The following TBC1D22A variants were observed in gnomAD, a reference collection of about 807,000 sequenced individuals.
TBC1D22A encodes putative GTPase activator.
Under a neutral mutation model 60.2 loss-of-function variants are expected in TBC1D22A, and 38 were observed. The observed-to-expected ratio is 0.63, with a 90% CI of 0.49 to 0.83. The LOEUF (loss-of-function observed/expected upper bound fraction) is 0.83. Ranked by LOEUF, TBC1D22A falls within the 40% of genes least tolerant of loss-of-function variation. The pLI is 0.00. For synonymous variants in TBC1D22A, 302 were observed against 281.7 expected (o/e 1.07, Z -0.72); for missense variants, 628 against 701.0 (o/e 0.90, Z 1.18).
chr22:46,917,195 G>A (rs1320382852), intron 8 of TBC1D22A, among the ~76,000 whole-genome samples: 1 of 152,150 alleles, frequency 6.6e-6, no homozygotes, highest in African/African-American at 2.4e-5. Context: ...AGCAAGGCAC[G>A]TGCTACTTTG....
chr22:47,173,355 T>A, intron 12 of TBC1D22A, 143 bp from the exon 13 acceptor site: 1 of 1,140,188 alleles, frequency 8.8e-7, no homozygotes, highest in Non-Finnish European at 1.2e-6. Context: ...TGTCTTTCTC[T>A]CCAGTTTTCC....
intron 12 of TBC1D22A, among the ~76,000 whole-genome samples, chr22:47,149,396 A>C (rs1301706514): frequency 5.3e-5 from 8 of 152,270 alleles, no homozygotes; most frequent in Non-Finnish European, 1.2e-4. Context: ...AATGCCACAC[A>C]GTATTTATCC....
At chr22:47,132,388 G>T (rs1445835045) in intron 12 of TBC1D22A, among the ~76,000 whole-genome samples, 7 of 152,200 alleles carry the variant, frequency 4.6e-5, no homozygotes, top group African/African-American at 7.2e-5. Context: ...GAGCTTTCTA[G>T]AATGTGCGCT....
At chr22:46,836,479 G>A (rs539638767) in intron 4 of TBC1D22A, among the ~76,000 whole-genome samples, 2 of 151,024 alleles carry the variant, frequency 1.3e-5, no homozygotes, top group Admixed American at 6.6e-5. Flanking sequence ...ACATACAGTT[G>A]ATATGGAAAA....
chr22:46,766,098 C>T lies in TBC1D22A; in HGVS notation c.62+3250C>T, dbSNP rs570329459. Among the ~76,000 whole-genome samples, 5 of 151,066 alleles carry T rather than the reference C, an allele frequency of 3.3e-5. No homozygotes were observed. The East Asian group carries it at 7.9e-4, about 24-fold the overall frequency. ...CTGCAAGCTCCGCCTCCCGGGTTCA[C>T]GCCATTTTCCTGCCTCAGCCTCCCG... is the stretch of plus-strand genomic sequence containing the variant. On this transcript the variant is annotated intron_variant, in intron 1 of 12. Transcript: ENST00000337137.
At chr22:47,130,225 G>A (rs752807904) in intron 12 of TBC1D22A, among the ~76,000 whole-genome samples, 7 of 152,198 alleles carry the variant, frequency 4.6e-5, no homozygotes, top group Non-Finnish European at 1.0e-4. Context: ...TTACCGGAGC[G>A]GGCGTGTCTG....
intron 12 of TBC1D22A, among the ~76,000 whole-genome samples, chr22:47,153,214 A>G (rs1029105498): frequency 3.3e-5 from 5 of 152,182 alleles, no homozygotes; most frequent in Non-Finnish European, 7.3e-5. Context: ...AGCTTCCTCT[A>G]TAAGCTTCTC....
chr22:47,110,004 C>G lies in TBC1D22A; in HGVS notation c.1330-1504C>G, dbSNP rs370862528. Reference sequence around the variant, plus strand: ...GATGCTTTTGAAGCCTGCATTTTTCCCTGCTCAGAGCCCCGAGGATCTGTA... The same window carrying G: ...GATGCTTTTGAAGCCTGCATTTTTCGCTGCTCAGAGCCCCGAGGATCTGTA... On this transcript the variant is annotated intron_variant, in intron 11 of 12. Transcript: ENST00000337137. 2.6e-5 allele frequency among the ~76,000 whole-genome samples: 4 copies of G among 152,098 alleles called. No homozygotes were observed. In the South Asian group the frequency reaches 8.3e-4, roughly 32 times the overall value.
At chr22:46,885,838 G>C (rs2068084688) in intron 5 of TBC1D22A, among the ~76,000 whole-genome samples, 1 of 152,132 alleles carries the variant, frequency 6.6e-6, no homozygotes, top group Non-Finnish European at 1.5e-5. Flanking sequence ...TCACCCGGAA[G>C]GCACCGCAGA....
At chr22:47,143,863 T>G (rs1456213971) in intron 12 of TBC1D22A, among the ~76,000 whole-genome samples, 1 of 152,246 alleles carries the variant, frequency 6.6e-6, no homozygotes, top group Non-Finnish European at 1.5e-5. Context: ...AGCCCTCCGC[T>G]TCTCCTGCAG....
intron 3 of TBC1D22A, among the ~76,000 whole-genome samples, chr22:46,794,118 T>C (rs1324926168): frequency 2.6e-5 from 4 of 151,996 alleles, no homozygotes; most frequent in Non-Finnish European, 5.9e-5. Context: ...CTTCTCCGAG[T>C]GGAGTGGAGG....
intron 8 of TBC1D22A, among the ~76,000 whole-genome samples, chr22:46,972,131 C>T (rs534457053): frequency 8.5e-5 from 13 of 152,314 alleles, no homozygotes; most frequent in African/African-American, 2.6e-4. Context: ...TGGTTGCACC[C>T]GGTATGCTGT....
At chr22:47,007,119 A>G (rs1227856480) in intron 10 of TBC1D22A, among the ~76,000 whole-genome samples, 1 of 152,206 alleles carries the variant, frequency 6.6e-6, no homozygotes, top group African/African-American at 2.4e-5. Context: ...CGCTATCAGA[A>G]TCCCAGAAAA....
At position 46,920,076 on chromosome 22, in the gene TBC1D22A, TATGTATGTATGA is replaced by T. The variant is rs1569223133; in HGVS notation, c.1015+7892_1015+7903del. ...GTTTGTTTGTATGTATGTATGTATGTATGTATGTATGAATGAAGGAGAGAGACAGAGTGTTGC... is the reference window on the plus strand; with the variant it reads ...GTTTGTTTGTATGTATGTATGTATGTATGAAGGAGAGAGACAGAGTGTTGC... On this transcript the variant is annotated intron_variant, in intron 8 of 12. Transcript: ENST00000337137. 9.3e-3 allele frequency among the ~76,000 whole-genome samples: 1,415 copies of T among 151,868 alleles called. 28 individuals are homozygous for T. Among genetic ancestry groups the T allele is most frequent in the African/African-American group, 0.032 (1,343 of 41,408 alleles).
intron 2 of TBC1D22A, 66 bp from the exon 3 acceptor site, chr22:46,793,435 C>G: frequency 6.6e-7 from 1 of 1,520,638 alleles, no homozygotes; most frequent in Middle Eastern, 1.8e-4. Context: ...CCTGGGAATT[C>G]TTTCCTGGCT....
chr22:46,917,869 G>T (rs186418208), intron 8 of TBC1D22A, among the ~76,000 whole-genome samples: 2 of 152,154 alleles, frequency 1.3e-5, no homozygotes, highest in African/African-American at 4.8e-5. Context: ...GGTTTATGGC[G>T]CTCTCCCATG....
At position 46,762,823 on chromosome 22, in the gene TBC1D22A, C is replaced by G. The variant is rs972577646; in HGVS notation, c.37C>G (p.Arg13Gly). ...SDGARKQFWK[R>G]SNSKLPGSIQ... is the part of the protein sequence containing the mutation. The stretch of plus-strand genomic sequence containing the variant: ...CGGGGCCAGGAAGCAATTCTGGAAG[C>G]GCAGCAACAGCAAGCTCCCGGGCAG... Residue 13 changes from arginine (R) to glycine (G), a missense_variant, in exon 1 of 13, where the codon CGC (arginine) becomes GGC (glycine). Coordinates refer to ENST00000337137, the MANE Select transcript of TBC1D22A (RefSeq NM_014346.5). 6.9e-7 allele frequency: 1 copy of G among 1,458,818 alleles called. No homozygotes were observed. The highest frequency in any genetic ancestry group is 9.0e-7 in the Non-Finnish European group (1 of 1,112,894). 90.4% of individuals were successfully genotyped at this position (1,458,818 alleles called of 1,614,324 possible). A position where few individuals can be genotyped will look rare whatever the true frequency, so the allele number is the denominator to read the frequency against.
chr22:46,904,416 T>C (rs2069293673), intron 7 of TBC1D22A, among the ~76,000 whole-genome samples: 1 of 152,032 alleles, frequency 6.6e-6, no homozygotes, highest in Non-Finnish European at 1.5e-5. Context: ...CATCCGAGTG[T>C]GCTCTCAGCC....
chr22:46,785,298 A>G (rs1442401882), intron 1 of TBC1D22A, among the ~76,000 whole-genome samples: 2 of 152,192 alleles, frequency 1.3e-5, no homozygotes, highest in African/African-American at 4.8e-5. Flanking sequence ...TGTGGGTTGT[A>G]ATGTGTACAT....
Sources: gnomAD v4.1 joint callset for allele counts (sites outside exome capture counted in the v4.1 genomes callset) on GRCh38, gnomAD v4.1.1 for gene constraint, MANE v1.5 for transcripts, NCBI Gene and HGNC (gene_info 2026-07-23, HGNC 2026-07-21) for gene names.